NEK6: variants seen among roughly 807,000 people sequenced by gnomAD.
NEK6 encodes NIMA related kinase 6, also known as serine/threonine-protein kinase Nek6.
Under a neutral mutation model 43.5 loss-of-function variants are expected in NEK6, and 27 were observed. The ratio of observed to expected loss-of-function variants is 0.62; its 90% confidence interval spans 0.46 to 0.86. The LOEUF (loss-of-function observed/expected upper bound fraction) is 0.86. Ranked by LOEUF, NEK6 falls within the 40% of genes least tolerant of loss-of-function variation. The pLI is 0.00. For missense variants in NEK6, 318 were observed against 414.4 expected (o/e 0.77, Z 2.02); for synonymous variants, 167 against 164.1 (o/e 1.02, Z -0.14).
chr9:124,298,817 G>A (rs1010469989), intron 1 of NEK6, among the ~76,000 whole-genome samples: 7 of 152,184 alleles, frequency 4.6e-5, no homozygotes, highest in African/African-American at 1.7e-4. Context: ...TTACCTCATG[G>A]AGTTGTTGAC....
At chr9:124,323,041 T>C (rs1208862400) in intron 5 of NEK6, among the ~76,000 whole-genome samples, 1 of 71,854 alleles carries the variant, frequency 1.4e-5, no homozygotes, top group Non-Finnish European at 3.1e-5. Flanking sequence ...TTCACACGGA[T>C]TCCCTTGCTG....
At chr9:124,344,605 G>A (rs920749460) in intron 8 of NEK6, among the ~76,000 whole-genome samples, 2 of 152,224 alleles carry the variant, frequency 1.3e-5, no homozygotes, top group Admixed American at 1.3e-4. Flanking sequence ...TCGGAAGGCC[G>A]GGCTCTGTTC....
chr9:124,290,432 G>C (rs1314771530), intron 1 of NEK6, among the ~76,000 whole-genome samples: 1 of 152,256 alleles, frequency 6.6e-6, no homozygotes, highest in African/African-American at 2.4e-5. Flanking sequence ...GGGGCCGGCT[G>C]GTGGGAAGGT....
chr9:124,325,257 G>A (rs527912529), intron 5 of NEK6, among the ~76,000 whole-genome samples: 24 of 152,182 alleles, frequency 1.6e-4, no homozygotes, highest in Admixed American at 5.2e-4. Flanking sequence ...CTCTTTCTAC[G>A]TGGCCCTCAG....
chr9:124,274,687 C>T (rs1232977844), intron 1 of NEK6, among the ~76,000 whole-genome samples: 28 of 152,144 alleles, frequency 1.8e-4, no homozygotes, highest in South Asian at 2.1e-4. Context: ...GAATGCTGAT[C>T]GAGGACAATG....
intron 2 of NEK6, among the ~76,000 whole-genome samples, chr9:124,310,703 T>C (rs553179949): frequency 4.6e-5 from 7 of 152,276 alleles, no homozygotes; most frequent in African/African-American, 1.7e-4. Context: ...GTTCAAGCAA[T>C]TCTCCTGCCT....
chr9:124,314,100 T>C (rs1021374434), intron 4 of NEK6, 115 bp downstream of exon 4: 1 of 913,068 alleles, frequency 1.1e-6, no homozygotes, highest in Non-Finnish European at 1.7e-6. Flanking sequence ...CAGCCCCTGC[T>C]AAGTTAACAG....
intron 1 of NEK6, among the ~76,000 whole-genome samples, chr9:124,281,431 A>C (rs1831899939): frequency 6.6e-6 from 1 of 151,914 alleles, no homozygotes; most frequent in East Asian, 1.9e-4. Context: ...CCCACGGTGA[A>C]ATAAGAAAAG....
chr9:124,273,611 G>T (rs1014477196), intron 1 of NEK6, among the ~76,000 whole-genome samples: 1 of 152,098 alleles, frequency 6.6e-6, no homozygotes, highest in Non-Finnish European at 1.5e-5. Flanking sequence ...AAGTTGTCCC[G>T]TCCCACCGTT....
At chr9:124,290,208 C>G (rs1171262375) in intron 1 of NEK6, among the ~76,000 whole-genome samples, 1 of 152,240 alleles carries the variant, frequency 6.6e-6, no homozygotes, top group Non-Finnish European at 1.5e-5. Context: ...TCAGGAGGCC[C>G]TGGCCTGGCC....
intron 1 of NEK6, among the ~76,000 whole-genome samples, chr9:124,266,882 T>A (rs538721558): frequency 6.6e-6 from 1 of 152,304 alleles, no homozygotes; most frequent in Non-Finnish European, 1.5e-5. Flanking sequence ...AAGAGGTTTC[T>A]TAGAGAAATG....
In NEK6 at chr9:124,318,332, C is replaced by T. The variant is rs146516026; in HGVS notation, c.295-3127C>T. 5.5e-3 allele frequency among the ~76,000 whole-genome samples: 841 copies of T among 152,140 alleles called. 8 individuals carry two copies. Among genetic ancestry groups the T allele is most frequent in the South Asian group, 0.046 (219 of 4,810 alleles). On this transcript the variant is annotated intron_variant, in intron 4 of 9. Coordinates refer to ENST00000320246, the MANE Select transcript of NEK6 (RefSeq NM_014397.6). The stretch of plus-strand genomic sequence containing the variant: ...TCATGGCTCACTGCAGCATCAGCCT[C>T]CCAGAATCAAGTGATCTTCCCACCT...
Position 124,324,541 on chromosome 9 carries a change from ACT to A in NEK6, c.406-1785_406-1784del, listed in dbSNP as rs544418455. Among the ~76,000 whole-genome samples the A allele has an allele frequency of 2.2e-4, 33 of 151,124 alleles. 1 individual carries two copies. The South Asian group carries it at 2.7e-3, about 12-fold the overall frequency. On this transcript the variant is annotated intron_variant, in intron 5 of 9. Transcript: ENST00000320246. The surrounding 1 kb of genome is among the most constrained non-coding windows in gnomAD (Gnocchi z 5.3). ...AGGACATGACATTTAGAAAATCACCACTCTCGGCCACGCGCGTCCCTGCTTAA... is the reference window on the plus strand; with the variant it reads ...AGGACATGACATTTAGAAAATCACCACTCGGCCACGCGCGTCCCTGCTTAA...
At chr9:124,337,899 CTTGT>C in intron 7 of NEK6, among the ~76,000 whole-genome samples, 1 of 152,206 alleles carries the variant, frequency 6.6e-6, no homozygotes, top group East Asian at 1.9e-4. Flanking sequence ...CATCATCGAC[CTTGT>C]TTTTCTTTAA....
chr9:124,297,537 C>A (rs1832751458), intron 1 of NEK6, among the ~76,000 whole-genome samples: 1 of 152,216 alleles, frequency 6.6e-6, no homozygotes, highest in African/African-American at 2.4e-5. Context: ...CAGCACACGG[C>A]AGCCTAAAGC....
chr9:124,258,061 G>A lies in NEK6; in HGVS notation c.-54G>A. 1 of 979,282 alleles carries A rather than the reference G, an allele frequency of 1.0e-6. No homozygotes were observed. The highest frequency in any genetic ancestry group is 4.7e-5 in the South Asian group (1 of 21,272). 60.7% of individuals were successfully genotyped at this position (979,282 alleles called of 1,614,324 possible). A position where few individuals can be genotyped will look rare whatever the true frequency, so the allele number is the denominator to read the frequency against. Reference sequence around the variant, plus strand: ...CGGGCCAGCGCACCGGTCCCCCAGCGGCAGCCGAGCCCGCCCGCGCGCCGG... The same window carrying A: ...CGGGCCAGCGCACCGGTCCCCCAGCAGCAGCCGAGCCCGCCCGCGCGCCGG... On this transcript the variant is annotated 5_prime_UTR_variant, in exon 1 of 10. Coordinates refer to ENST00000320246, the MANE Select transcript of NEK6 (RefSeq NM_014397.6).
rs771025719 is a variant in NEK6, at chr9:124,347,885, G to A, written c.831+63G>A. The A allele has an allele frequency of 1.3e-5, 12 of 934,994 alleles. 1 individual carries two copies. Among genetic ancestry groups the A allele is most frequent in the Middle Eastern group, 2.2e-4 (1 of 4,632 alleles). 57.9% of individuals were successfully genotyped at this position (934,994 alleles called of 1,614,324 possible). On this transcript the variant is annotated intron_variant, in intron 9 of 9. Transcript: ENST00000320246. ...GAGGCCACCGAGGCTTATGAGGGCC[G>A]CTCCAAAACACCACAGCTGTGGGGC...
intron 1 of NEK6, chr9:124,292,811 G>C: frequency 7.0e-7 from 1 of 1,425,466 alleles, no homozygotes. Context: ...GGAGAGAGTG[G>C]TTTAGTCTCT....
At chr9:124,263,213 C>T (rs559728504) in intron 1 of NEK6, among the ~76,000 whole-genome samples, 19 of 152,346 alleles carry the variant, frequency 1.2e-4, no homozygotes, top group African/African-American at 4.3e-4. Context: ...CAGAGAGCTT[C>T]GCACACACCC....
Sources: allele counts gnomAD v4.1 joint callset (sites outside exome capture counted in the v4.1 genomes callset), GRCh38; gene constraint gnomAD v4.1.1; non-coding constraint Gnocchi (gnomAD v3.1); transcripts MANE v1.5; gene names NCBI Gene and HGNC (gene_info 2026-07-23, HGNC 2026-07-21).